PDE4D: variants seen among roughly 807,000 people sequenced by gnomAD.
PDE4D encodes phosphodiesterase 4D, also known as 3',5'-cyclic-AMP phosphodiesterase 4D.
Under a neutral mutation model 87.4 loss-of-function variants are expected in PDE4D, and 24 were observed. That is an observed-to-expected ratio of 0.27 (90% CI 0.20 to 0.39). The LOEUF (loss-of-function observed/expected upper bound fraction) is 0.39. PDE4D is among the 10% of genes least tolerant of loss of function. The pLI is 1.00. For missense variants in PDE4D, 714 were observed against 1,041.0 expected (o/e 0.69, Z 4.32); for synonymous variants, 384 against 383.2 (o/e 1.00, Z -0.02).
chr5:59,588,765 T>G (rs983653755), intron 1 of PDE4D, among the ~76,000 whole-genome samples: 4 of 152,202 alleles, frequency 2.6e-5, no homozygotes, highest in African/African-American at 9.6e-5. Context: ...AAGATGCCAC[T>G]ACAGCATAAA....
intron 1 of PDE4D, among the ~76,000 whole-genome samples, chr5:60,358,174 T>C (rs1759773359): frequency 6.6e-6 from 1 of 152,190 alleles, no homozygotes; most frequent in South Asian, 2.1e-4. Flanking sequence ...CCTTGACCGC[T>C]TCCTAGTGAC....
chr5:59,321,330 T>C (rs1269948431), intron 1 of PDE4D, among the ~76,000 whole-genome samples: 2 of 152,074 alleles, frequency 1.3e-5, no homozygotes, highest in Admixed American at 6.6e-5. Context: ...AATCCTCCAA[T>C]CTACTGCCCT....
At chr5:59,264,192 G>A (rs557485884) in intron 1 of PDE4D, among the ~76,000 whole-genome samples, 1 of 152,080 alleles carries the variant, frequency 6.6e-6, no homozygotes, top group South Asian at 2.1e-4. Flanking sequence ...GTCTGGCAGA[G>A]ATCACCAATG....
At chr5:60,008,058 T>C (rs1352398819) in intron 2 of PDE4D, among the ~76,000 whole-genome samples, 1 of 152,040 alleles carries the variant, frequency 6.6e-6, no homozygotes. Context: ...CACTATAAGA[T>C]AGTTATTCTA....
chr5:59,737,250 T>A (rs2150645088), intron 1 of PDE4D, among the ~76,000 whole-genome samples: 1 of 152,322 alleles, frequency 6.6e-6, no homozygotes, highest in South Asian at 2.1e-4. Flanking sequence ...GGAATAATCT[T>A]TTTTTAAAAA....
chr5:59,121,741 T>C (rs1044081354), intron 5 of PDE4D, among the ~76,000 whole-genome samples: 1 of 152,060 alleles, frequency 6.6e-6, no homozygotes, highest in Non-Finnish European at 1.5e-5. Flanking sequence ...GAAAAGAAAT[T>C]GGTGTATCAA....
At chr5:59,471,123 T>G (rs1802373623) in intron 1 of PDE4D, among the ~76,000 whole-genome samples, 1 of 152,068 alleles carries the variant, frequency 6.6e-6, no homozygotes, top group Admixed American at 6.6e-5. Context: ...CATGCATCTG[T>G]GGTCATAGCT....
At chr5:59,452,544 GA>G (rs1799321422) in intron 1 of PDE4D, among the ~76,000 whole-genome samples, 1 of 152,150 alleles carries the variant, frequency 6.6e-6, no homozygotes, top group Middle Eastern at 3.2e-3. Flanking sequence ...TGAAGCCATG[GA>G]GGAGACACAG....
intron 9 of PDE4D, among the ~76,000 whole-genome samples, chr5:58,990,589 C>CA (rs779171954): frequency 5.3e-4 from 80 of 150,908 alleles, no homozygotes; most frequent in African/African-American, 1.3e-3. Context: ...TTCTTAAATG[C>CA]AAAAAAAATA....
chr5:60,201,738 C>A (rs1239246386), intron 1 of PDE4D, among the ~76,000 whole-genome samples: 1 of 151,964 alleles, frequency 6.6e-6, no homozygotes. Context: ...TAAATATATC[C>A]AGAACATTTC....
intron 1 of PDE4D, among the ~76,000 whole-genome samples, chr5:59,408,043 T>A (rs1365156546): frequency 6.6e-6 from 1 of 152,216 alleles, no homozygotes; most frequent in Non-Finnish European, 1.5e-5. Flanking sequence ...TAGGGAAATT[T>A]GCATAACTAA....
At chr5:59,342,103 T>C (rs1778830991) in intron 1 of PDE4D, among the ~76,000 whole-genome samples, 1 of 152,200 alleles carries the variant, frequency 6.6e-6, no homozygotes, top group African/African-American at 2.4e-5. Flanking sequence ...TCACTTTAAA[T>C]GCATAGTATT....
intron 6 of PDE4D, among the ~76,000 whole-genome samples, chr5:59,012,052 C>T (rs144623399): frequency 7.0e-4 from 106 of 152,280 alleles, no homozygotes; most frequent in Middle Eastern, 6.8e-3. Flanking sequence ...CCCAGCCAAA[C>T]TAAGCTTCAC....
At chr5:59,304,622 T>C (rs965278557) in intron 1 of PDE4D, among the ~76,000 whole-genome samples, 15 of 152,180 alleles carry the variant, frequency 9.9e-5, no homozygotes, top group African/African-American at 2.4e-4. Context: ...CTGGATTTTG[T>C]TGAATGCTTT....
intron 5 of PDE4D, among the ~76,000 whole-genome samples, chr5:59,110,100 T>C (rs1772348676): frequency 1.3e-5 from 2 of 152,332 alleles, no homozygotes; most frequent in Middle Eastern, 6.8e-3. Context: ...ATCCATGTTA[T>C]GTACTATTTA....
At chr5:60,107,280 C>G (rs1169342579) in intron 2 of PDE4D, among the ~76,000 whole-genome samples, 1 of 152,046 alleles carries the variant, frequency 6.6e-6, no homozygotes, top group East Asian at 1.9e-4. Flanking sequence ...AATTCCTGGA[C>G]ACACACACTC....
intron 6 of PDE4D, among the ~76,000 whole-genome samples, chr5:59,015,364 T>A (rs184954900): frequency 0.1 from 15,092 of 151,368 alleles, 980 homozygotes; most frequent in Non-Finnish European, 0.13. Flanking sequence ...AAATTTTTGC[T>A]ATCTATCCAT....
At chr5:60,228,419 G>C (rs1287111095) in intron 1 of PDE4D, among the ~76,000 whole-genome samples, 1 of 152,068 alleles carries the variant, frequency 6.6e-6, no homozygotes, top group African/African-American at 2.4e-5. Flanking sequence ...TGGGTAACTA[G>C]TATTTCTCAT....
chr5:59,479,558 A>T (rs1803888137), intron 1 of PDE4D, among the ~76,000 whole-genome samples: 1 of 152,132 alleles, frequency 6.6e-6, no homozygotes, highest in Non-Finnish European at 1.5e-5. Flanking sequence ...CATGACCAAC[A>T]GGAAGGTTGT....
Sources: gnomAD v4.1 joint callset for allele counts (sites outside exome capture counted in the v4.1 genomes callset) on GRCh38, gnomAD v4.1.1 for gene constraint, MANE v1.5 for transcripts, NCBI Gene and HGNC (gene_info 2026-07-23, HGNC 2026-07-21) for gene names.